The following KIAA1217 variants were observed in gnomAD, a reference collection of about 807,000 sequenced individuals.
KIAA1217 encodes sickle tail protein homolog.
A neutral mutation model predicts 163.9 loss-of-function variants in KIAA1217; 88 were observed. That is an observed-to-expected ratio of 0.54 (90% CI 0.45 to 0.64). KIAA1217 has a LOEUF of 0.64. Ranked by LOEUF, KIAA1217 falls within the 30% of genes least tolerant of loss-of-function variation. The pLI is 0.00. For missense variants in KIAA1217, 2,372 were observed against 2,475.0 expected (o/e 0.96, Z 0.88); for synonymous variants, 903 against 923.1 (o/e 0.98, Z 0.39).
intron 2 of KIAA1217, among the ~76,000 whole-genome samples, chr10:24,191,006 C>T (rs746997705): frequency 4.0e-5 from 6 of 151,838 alleles, no homozygotes; most frequent in Non-Finnish European, 8.8e-5. Context: ...CCAGCCTGGC[C>T]AACATGGTGC....
intron 2 of KIAA1217, among the ~76,000 whole-genome samples, chr10:24,190,595 C>T (rs1479421351): frequency 6.6e-6 from 1 of 152,132 alleles, no homozygotes; most frequent in Non-Finnish European, 1.5e-5. Flanking sequence ...GTTTCTCCTA[C>T]CCACAGATTC....
At chr10:23,710,918 C>T (rs896907806) in intron 1 of KIAA1217, among the ~76,000 whole-genome samples, 5 of 152,148 alleles carry the variant, frequency 3.3e-5, no homozygotes, top group Non-Finnish European at 5.9e-5. Context: ...AGCAAGATTG[C>T]TAGCCAGATA....
chr10:23,738,617 T>C (rs1025785998), intron 1 of KIAA1217, among the ~76,000 whole-genome samples: 19 of 87,786 alleles, frequency 2.2e-4, no homozygotes, highest in Non-Finnish European at 4.0e-4. Context: ...TTTAGAAATG[T>C]TTTTTTTTCT....
At chr10:24,538,594 AAGG>A (rs2074428360) in intron 17 of KIAA1217, among the ~76,000 whole-genome samples, 1 of 72,744 alleles carries the variant, frequency 1.4e-5, no homozygotes, top group African/African-American at 4.5e-5. Flanking sequence ...GGAAGGAAGG[AAGG>A]AAGGAAGGAA....
intron 2 of KIAA1217, among the ~76,000 whole-genome samples, chr10:24,050,786 C>T (rs548827596): frequency 5.3e-4 from 80 of 152,210 alleles, no homozygotes; most frequent in African/African-American, 1.8e-3. Flanking sequence ...TTGGTCAAGA[C>T]TAGAGGTACA....
chr10:24,326,668 A>T (rs1373212011), intron 2 of KIAA1217, among the ~76,000 whole-genome samples: 1 of 152,088 alleles, frequency 6.6e-6, no homozygotes, highest in East Asian at 1.9e-4. Context: ...TTTTTCTGTT[A>T]TTATTTTTTT....
At chr10:24,044,241 A>G (rs923331981) in intron 2 of KIAA1217, among the ~76,000 whole-genome samples, 1 of 152,200 alleles carries the variant, frequency 6.6e-6, no homozygotes, top group Non-Finnish European at 1.5e-5. Flanking sequence ...GTCTCTTTCT[A>G]AGATAGCTCT....
intron 2 of KIAA1217, among the ~76,000 whole-genome samples, chr10:24,097,160 A>G (rs1311378231): frequency 6.6e-6 from 1 of 152,236 alleles, no homozygotes; most frequent in African/African-American, 2.4e-5. Flanking sequence ...ATGGAGGAAT[A>G]TAGCCTGGAT....
rs572614820 is a variant in KIAA1217, at chr10:23,750,462, C to T, written c.-321+55228C>T. Among the ~76,000 whole-genome samples, 8 of 152,220 alleles carry T rather than the reference C, an allele frequency of 5.3e-5. No individual in the cohort carries two copies. The East Asian group carries it at 1.2e-3, about 22-fold the overall frequency. Reference sequence around the variant, plus strand: ...AGCCTTTTTCTTACCTCTCTTTAACCTCCTCTTCACAGTTTGGCTTTTGTG... The same window carrying T: ...AGCCTTTTTCTTACCTCTCTTTAACTTCCTCTTCACAGTTTGGCTTTTGTG... On this transcript the variant is annotated intron_variant, in intron 1 of 18. Transcript: ENST00000376462.
At chr10:24,230,607 G>A (rs1401277428) in intron 2 of KIAA1217, among the ~76,000 whole-genome samples, 1 of 150,952 alleles carries the variant, frequency 6.6e-6, no homozygotes, top group Non-Finnish European at 1.5e-5. Flanking sequence ...TGCCTCCTGG[G>A]TTCAAGCAGT....
At chr10:23,704,228 A>G (rs1285439562) in intron 1 of KIAA1217, among the ~76,000 whole-genome samples, 1 of 121,620 alleles carries the variant, frequency 8.2e-6, no homozygotes, top group South Asian at 2.8e-4. Flanking sequence ...CTCAGTGGTA[A>G]ATAAGGAGAA....
At chr10:24,416,400 C>G (rs1262013251) in intron 3 of KIAA1217, among the ~76,000 whole-genome samples, 1 of 152,180 alleles carries the variant, frequency 6.6e-6, no homozygotes, top group African/African-American at 2.4e-5. Flanking sequence ...GACAGCACAA[C>G]TTGAATGCCA....
intron 3 of KIAA1217, among the ~76,000 whole-genome samples, chr10:24,393,318 G>A (rs1390889375): frequency 6.6e-6 from 1 of 152,206 alleles, no homozygotes; most frequent in Non-Finnish European, 1.5e-5. Flanking sequence ...AAAGGTCCTG[G>A]TCTACTGGCA....
chr10:24,000,536 G>A (rs1232763546), intron 1 of KIAA1217, among the ~76,000 whole-genome samples: 1 of 152,174 alleles, frequency 6.6e-6, no homozygotes, highest in African/African-American at 2.4e-5. Flanking sequence ...TCTCTCGTAT[G>A]TCCTTATAGC....
At chr10:23,833,705 AT>A (rs1838320771) in intron 1 of KIAA1217, among the ~76,000 whole-genome samples, 1 of 151,802 alleles carries the variant, frequency 6.6e-6, no homozygotes, top group African/African-American at 2.4e-5. Flanking sequence ...CTTAGGGCCT[AT>A]TTCCATTCAA....
chr10:24,360,089 C>A (rs1272339678), intron 2 of KIAA1217, among the ~76,000 whole-genome samples: 1 of 137,058 alleles, frequency 7.3e-6, no homozygotes, highest in Admixed American at 7.9e-5. Context: ...CTCTGTCGCC[C>A]AGGCCGGAGT....
At chr10:23,729,577 A>G (rs11527596) in intron 1 of KIAA1217, among the ~76,000 whole-genome samples, 49,315 of 152,026 alleles carry the variant, frequency 0.32, 9,808 homozygotes, top group Non-Finnish European at 0.44. Flanking sequence ...TCATATATCT[A>G]TATTACTTCT....
intron 2 of KIAA1217, among the ~76,000 whole-genome samples, chr10:24,136,539 G>A (rs761592602): frequency 6.6e-6 from 1 of 152,096 alleles, no homozygotes. Context: ...GAGATACACC[G>A]GAACGCGGTC....
At chr10:24,142,865 C>T (rs1455624012) in intron 2 of KIAA1217, among the ~76,000 whole-genome samples, 3 of 152,064 alleles carry the variant, frequency 2.0e-5, no homozygotes, top group Non-Finnish European at 4.4e-5. Context: ...TAATAAAAGA[C>T]AGGCAGATAT....
Sources: gnomAD v4.1 joint callset for allele counts (sites outside exome capture counted in the v4.1 genomes callset) on GRCh38, gnomAD v4.1.1 for gene constraint, MANE v1.5 for transcripts, NCBI Gene and HGNC (gene_info 2026-07-23, HGNC 2026-07-21) for gene names.